The following MASP2 variants were observed in gnomAD, a reference collection of about 807,000 sequenced individuals.
MASP2 encodes mannan-binding lectin serine protease 2.
In MASP2, 49 loss-of-function variants were observed where a neutral mutation model predicts 57.1. The observed-to-expected ratio is 0.86, with a 90% CI of 0.68 to 1.09. The LOEUF is 1.09. Among genes scored for constraint, MASP2 ranks in the 50% least tolerant of loss-of-function variants. MASP2 has a pLI of 0.00. For synonymous variants in MASP2, 379 were observed against 340.8 expected, an observed-to-expected ratio of 1.11 and a Z score of -1.24; for missense variants, 900 against 874.8, an observed-to-expected ratio of 1.03 and a Z score of -0.36.
Position 11,027,191 on chromosome 1 carries a change from T to G in MASP2, c.1755A>C (p.Leu585=), listed in dbSNP as rs1232536000. The part of the protein sequence containing the change: ...LTQRGFLARN[L]MYVDIPIVDH... ...CAACAATCGGTATGTCGACATACAT[T>G]AGATTTCTAGCAAGAAAACCCCTTT... Residue 585 remains leucine (L), a synonymous_variant, in exon 11 of 11, where the codon CTA becomes CTC. Transcript: ENST00000400897. The G allele has an allele frequency of 2.5e-6, 4 of 1,614,092 alleles. No homozygotes were observed. In the African/African-American group the frequency reaches 5.3e-5, roughly 22 times the overall value.
intron 7 of MASP2, among the ~76,000 whole-genome samples, chr1:11,037,317 G>T (rs1408965957): frequency 6.6e-6 from 1 of 152,098 alleles, no homozygotes; most frequent in African/African-American, 2.4e-5. Flanking sequence ...TTGAACTCCT[G>T]GCCTCAAGTG....
At chr1:11,029,057 A>T (rs1395172304) in intron 10 of MASP2, among the ~76,000 whole-genome samples, 1 of 145,776 alleles carries the variant, frequency 6.9e-6, no homozygotes, top group East Asian at 2.1e-4. Context: ...CAGTGGCGCA[A>T]TCTTGGCTCA....
In MASP2 at chr1:11,043,445, G is replaced by A; in HGVS notation, c.635C>T (p.Thr212Ile). 6.2e-7 allele frequency: 1 copy of A among 1,611,186 alleles called. No homozygotes were observed. Among genetic ancestry groups the A allele is most frequent in the Non-Finnish European group, 8.5e-7 (1 of 1,179,114 alleles). Residue 212 changes from threonine to isoleucine, a missense_variant, in exon 5 of 11, where the codon ACT becomes ATT. Transcript: ENST00000400897. ...CCCCTCCTCCAGGCTGATGCTGTAAGTGCAACTGGAGAGTTTGGGATACGG... is the reference window on the plus strand; with the variant it reads ...CCCCTCCTCCAGGCTGATGCTGTAAATGCAACTGGAGAGTTTGGGATACGG... ...PRPYPKLSSC[T>I]YSISLEEGFS...
At chr1:11,036,912 A>G (rs1638260075) in intron 7 of MASP2, among the ~76,000 whole-genome samples, 1 of 152,112 alleles carries the variant, frequency 6.6e-6, no homozygotes. Context: ...TGGAAAGGTC[A>G]TTTGACCAGG....
intron 7 of MASP2, among the ~76,000 whole-genome samples, chr1:11,037,179 A>T (rs777307075): frequency 6.6e-6 from 1 of 152,034 alleles, no homozygotes; most frequent in Non-Finnish European, 1.5e-5. Flanking sequence ...CAGCCACCCG[A>T]GTAGCTGGGA....
intron 6 of MASP2, among the ~76,000 whole-genome samples, chr1:11,041,763 TGGA>T (rs1557674695): frequency 1.3e-3 from 196 of 146,140 alleles, no homozygotes; most frequent in Middle Eastern, 4.0e-3. Flanking sequence ...GGTGGATGGA[TGGA>T]AGAATGGGTG....
intron 5 of MASP2, 112 bp downstream of exon 5, chr1:11,043,227 G>C (rs1557675828): frequency 9.4e-7 from 1 of 1,067,768 alleles, no homozygotes; most frequent in Non-Finnish European, 1.4e-6. Flanking sequence ...TGAAGAGGTG[G>C]GGGTCACCGA....
chr1:11,045,852 G>A (rs1638622883), intron 3 of MASP2: 4 of 405,920 alleles, frequency 9.9e-6, no homozygotes, highest in East Asian at 4.2e-5. Context: ...CTGAACCCTT[G>A]CAGCAGCTTC....
chr1:11,044,481 G>A (rs536162521), intron 4 of MASP2, among the ~76,000 whole-genome samples: 3 of 152,260 alleles, frequency 2.0e-5, no homozygotes, highest in Non-Finnish European at 4.4e-5. Flanking sequence ...ATTTGCGGGG[G>A]ACCAGATTAC....
intron 6 of MASP2, among the ~76,000 whole-genome samples, chr1:11,042,061 G>C (rs1638471415): frequency 6.6e-6 from 1 of 151,884 alleles, no homozygotes; most frequent in Non-Finnish European, 1.5e-5. Flanking sequence ...AGGATGAGTG[G>C]ATGGGTGGAT....
chr1:11,044,172 T>C (rs1024825950), intron 4 of MASP2, among the ~76,000 whole-genome samples: 4 of 152,266 alleles, frequency 2.6e-5, no homozygotes, highest in African/African-American at 7.2e-5. Context: ...TCACCCCCTT[T>C]CCCCAGGTCT....
chr1:11,042,973 G>A lies in MASP2; in HGVS notation c.791C>T (p.Pro264Leu), dbSNP rs778961944. The A allele has an allele frequency of 1.7e-5, 28 of 1,614,024 alleles. 1 individual carries two copies. In the South Asian group the frequency reaches 2.7e-4, roughly 16 times the overall value. Residue 264 changes from proline to leucine, a missense_variant, in exon 6 of 11, where the codon CCC (proline) becomes CTC (leucine). Physicochemically the swap from Pro to Leu is moderately conservative, Grantham distance 98. Coordinates refer to ENST00000400897, the MANE Select transcript of MASP2 (RefSeq NM_006610.4). ...GTTGCTTTTTGTTTCAATCCTGTGG[G>A]GCAATGTCTTCCCACAGAATGGGCC... ...EHGPFCGKTL[P>L]HRIETKSNTV...
chr1:11,030,363 GTGTCT>G, intron 9 of MASP2, 113 bp from the exon 10 acceptor site: 1 of 715,288 alleles, frequency 1.4e-6, no homozygotes, highest in Non-Finnish European at 2.4e-6. Flanking sequence ...GGACATAGAG[GTGTCT>G]GAAGAACCAT....
chr1:11,027,353 A>G lies in MASP2; in HGVS notation c.1593T>C (p.Asn531=), dbSNP rs1260637417. Residue 531 remains asparagine, a synonymous_variant, in exon 11 of 11, where the codon AAT becomes AAC. Coordinates refer to ENST00000400897, the MANE Select transcript of MASP2 (RefSeq NM_006610.4). ...TATTCAATTTAATCAGTGCTATGTC[A>G]TTGTCAAAGCCAGCATCATGAGTAT... ...EGYTHDAGFD[N]DIALIKLNNK... The G allele has an allele frequency of 2.5e-6, 4 of 1,614,082 alleles. No individual in the cohort carries two copies. The highest frequency in any genetic ancestry group is 1.7e-5 in the Admixed American group (1 of 59,986).
At chr1:11,042,854 A>G in intron 6 of MASP2, 21 bp downstream of exon 6, 1 of 1,612,794 alleles carries the variant, frequency 6.2e-7, no homozygotes, top group Non-Finnish European at 8.5e-7. Flanking sequence ...TCCAGCCAAG[A>G]TCTGAGACCC....
chr1:11,029,800 G>A (rs964073378), intron 10 of MASP2: 12 of 163,458 alleles, frequency 7.3e-5, no homozygotes, highest in South Asian at 1.6e-4. Flanking sequence ...CACCACACCC[G>A]GCTAATTTTG....
In MASP2 at chr1:11,037,742, AG is replaced by A. The variant is rs1638295499; in HGVS notation, c.958del (p.Leu320Ter). 6.2e-7 allele frequency: 1 copy of A among 1,613,082 alleles called. No homozygotes were observed. The highest frequency in any genetic ancestry group is 8.5e-7 in the Non-Finnish European group (1 of 1,179,706). On this transcript the variant is annotated frameshift_variant, in exon 7 of 11. Coordinates refer to ENST00000400897, the MANE Select transcript of MASP2 (RefSeq NM_006610.4). LOFTEE classifies it high-confidence loss of function. ...HVSPVQAKYI[L>X]KDSFSIFCET... ...GCAAAAGATGGAGAAGCTGTCTTTC[AG>A]GATGTATTTGGCTTGCACAGGTGAA...
intron 6 of MASP2, among the ~76,000 whole-genome samples, chr1:11,041,588 G>A (rs1305435087): frequency 1.4e-3 from 165 of 117,430 alleles, no homozygotes; most frequent in African/African-American, 5.4e-3. Flanking sequence ...GGGTGGGTGG[G>A]TGGATGGATG....
intron 4 of MASP2, chr1:11,045,204 G>C: frequency 2.4e-6 from 2 of 818,116 alleles, no homozygotes. Context: ...ATTAGTCTCA[G>C]TCGCTAGGGC....
Sources: allele counts gnomAD v4.1 joint callset (sites outside exome capture counted in the v4.1 genomes callset), GRCh38; gene constraint gnomAD v4.1.1; transcripts MANE v1.5; gene names NCBI Gene and HGNC (gene_info 2026-07-23, HGNC 2026-07-21).